Variants in CNTNAP2 observed in about 807,000 individuals in gnomAD.
The protein encoded by CNTNAP2 is contactin-associated protein-like 2.
A neutral mutation model predicts 155.2 loss-of-function variants in CNTNAP2; 98 were observed. The ratio of observed to expected loss-of-function variants is 0.63; its 90% CI spans 0.54 to 0.75. The LOEUF (loss-of-function observed/expected upper bound fraction) is 0.75, where lower values mean the gene tolerates loss of function less well. Among genes scored for constraint, CNTNAP2 ranks in the 30% least tolerant of loss-of-function variants. The probability of loss-of-function intolerance (pLI) is 0.00; values close to 1 mark genes in which losing one functional copy is unlikely to be tolerated. For synonymous variants in CNTNAP2, 651 were observed against 631.2 expected (o/e 1.03, Z -0.47); for missense variants, 1,727 against 1,688.1 (o/e 1.02, Z -0.40).
intron 15 of CNTNAP2, among the ~76,000 whole-genome samples, chr7:148,080,604 C>CAAAA (rs199500286): frequency 4.3e-5 from 3 of 69,696 alleles, no homozygotes; most frequent in African/African-American, 1.2e-4. Context: ...GACTCCATCT[C>CAAAA]AAAAAAAAAA....
chr7:146,524,434 T>C (rs17170125), intron 1 of CNTNAP2, among the ~76,000 whole-genome samples: 49,709 of 151,830 alleles, frequency 0.33, 8,224 homozygotes, highest in East Asian at 0.46. Context: ...CTTGACAGCA[T>C]ATTGAAGAGT....
chr7:146,124,841 A>G (rs992443162), intron 1 of CNTNAP2, among the ~76,000 whole-genome samples: 38 of 152,152 alleles, frequency 2.5e-4, no homozygotes, highest in Admixed American at 5.9e-4. Flanking sequence ...AATGTTACTA[A>G]TTCTCATGGT....
At chr7:146,761,328 AGGAAGG>A (rs1563220026) in intron 1 of CNTNAP2, among the ~76,000 whole-genome samples, 24 of 147,000 alleles carry the variant, frequency 1.6e-4, no homozygotes, top group African/African-American at 6.1e-4. Context: ...GAAGGAAGGA[AGGAAGG>A]AAAATAGGAA....
At chr7:146,479,713 G>T (rs1796931620) in intron 1 of CNTNAP2, among the ~76,000 whole-genome samples, 1 of 151,922 alleles carries the variant, frequency 6.6e-6, no homozygotes, top group African/African-American at 2.4e-5. Flanking sequence ...CAAAAAACTT[G>T]TTTCAAGTTA....
intron 8 of CNTNAP2, among the ~76,000 whole-genome samples, chr7:147,221,614 C>T (rs1488290557): frequency 6.6e-6 from 1 of 152,122 alleles, no homozygotes; most frequent in African/African-American, 2.4e-5. Context: ...AGGCAGGGTG[C>T]TAAAGAAGAA....
At chr7:148,033,136 A>G (rs4725761) in intron 15 of CNTNAP2, among the ~76,000 whole-genome samples, 36,148 of 151,856 alleles carry the variant, frequency 0.24, 5,403 homozygotes, top group East Asian at 0.48. Context: ...CACTGAGCAG[A>G]TTTTTCATGT....
At chr7:147,393,723 A>G (rs1285618090) in intron 9 of CNTNAP2, among the ~76,000 whole-genome samples, 1 of 152,038 alleles carries the variant, frequency 6.6e-6, no homozygotes, top group Non-Finnish European at 1.5e-5. Flanking sequence ...ACTAGAAAAT[A>G]CACATACACA....
intron 1 of CNTNAP2, among the ~76,000 whole-genome samples, chr7:146,714,970 A>T (rs960510208): frequency 6.6e-6 from 1 of 152,056 alleles, no homozygotes; most frequent in Non-Finnish European, 1.5e-5. Flanking sequence ...ACTCTTACCT[A>T]CTCAGGTAAT....
chr7:146,820,727 C>A (rs919704539), intron 2 of CNTNAP2, among the ~76,000 whole-genome samples: 3 of 152,080 alleles, frequency 2.0e-5, no homozygotes, highest in African/African-American at 7.2e-5. Flanking sequence ...TCCTTGTTAA[C>A]TTTGTGTCTC....
chr7:147,359,808 C>T (rs373515121), intron 9 of CNTNAP2, among the ~76,000 whole-genome samples: 5 of 152,202 alleles, frequency 3.3e-5, no homozygotes, highest in African/African-American at 1.2e-4. Context: ...GTAGAAACAG[C>T]CTGCCACCCA....
chr7:146,932,116 C>T (rs1374828526), intron 3 of CNTNAP2, among the ~76,000 whole-genome samples: 1 of 151,990 alleles, frequency 6.6e-6, no homozygotes, highest in Non-Finnish European at 1.5e-5. Context: ...ATACCAAAGC[C>T]TGGCAGAGAC....
chr7:147,090,153 T>TA (rs112183681), intron 4 of CNTNAP2, among the ~76,000 whole-genome samples: 21 of 152,270 alleles, frequency 1.4e-4, no homozygotes, highest in African/African-American at 4.6e-4. Flanking sequence ...CATGTTATGG[T>TA]AAAAATATGG....
At chr7:146,812,269 G>C (rs1443921327) in intron 2 of CNTNAP2, among the ~76,000 whole-genome samples, 1 of 151,950 alleles carries the variant, frequency 6.6e-6, no homozygotes, top group Non-Finnish European at 1.5e-5. Flanking sequence ...GTTGGTCTCA[G>C]ATGGAGATGA....
intron 3 of CNTNAP2, among the ~76,000 whole-genome samples, chr7:147,031,258 T>C (rs769631565): frequency 2.6e-5 from 4 of 152,080 alleles, no homozygotes; most frequent in Admixed American, 6.5e-5. Context: ...GAAAGAAAAA[T>C]AATATATTTG....
At chr7:147,469,112 C>T (rs1447680815) in intron 10 of CNTNAP2, among the ~76,000 whole-genome samples, 5 of 151,800 alleles carry the variant, frequency 3.3e-5, no homozygotes, top group Admixed American at 1.3e-4. Flanking sequence ...CATGAGCTGC[C>T]GTGACAGCCA....
intron 8 of CNTNAP2, among the ~76,000 whole-genome samples, chr7:147,211,628 C>A (rs1803148018): frequency 6.6e-6 from 1 of 151,952 alleles, no homozygotes; most frequent in African/African-American, 2.4e-5. Context: ...TAGACCTCTG[C>A]CTTTCACCAT....
At chr7:146,959,430 A>G (rs928495121) in intron 3 of CNTNAP2, among the ~76,000 whole-genome samples, 2 of 152,072 alleles carry the variant, frequency 1.3e-5, no homozygotes, top group African/African-American at 4.8e-5. Flanking sequence ...TTTTTAAAAA[A>G]GAAAGAAGCC....
intron 1 of CNTNAP2, among the ~76,000 whole-genome samples, chr7:146,120,457 G>A (rs1438850391): frequency 2.0e-5 from 3 of 152,002 alleles, no homozygotes; most frequent in African/African-American, 4.8e-5. Context: ...ATCAATATAT[G>A]GCAAAATTGG....
At chr7:147,661,926 G>A (rs1314017748) in intron 13 of CNTNAP2, among the ~76,000 whole-genome samples, 1 of 152,064 alleles carries the variant, frequency 6.6e-6, no homozygotes, top group Non-Finnish European at 1.5e-5. Flanking sequence ...GAAACTTTGA[G>A]TTAGATTGCA....
Sources: gnomAD v4.1 joint callset for allele counts (sites outside exome capture counted in the v4.1 genomes callset) on GRCh38, gnomAD v4.1.1 for gene constraint, MANE v1.5 for transcripts, NCBI Gene and HGNC (gene_info 2026-07-23, HGNC 2026-07-21) for gene names.